Variants in DST observed in about 807,000 individuals in gnomAD.
The protein encoded by DST is bullous pemphigoid antigen.
DST carries 253 observed loss-of-function variants against 875.2 expected under a neutral mutation model. The ratio of observed to expected loss-of-function variants is 0.29; its 90% CI spans 0.26 to 0.32. DST has a LOEUF of 0.32. Ranked by LOEUF, DST falls within the 10% of genes least tolerant of loss-of-function variation. The pLI, the probability that DST is intolerant of heterozygous loss-of-function variation, is 1.00. For missense variants in DST, 8,287 were observed against 9,111.6 expected (o/e 0.91, Z 3.68); for synonymous variants, 3,124 against 3,197.1 (o/e 0.98, Z 0.77).
chr6:56,717,654 A>G (rs559236865), intron 5 of DST, among the ~76,000 whole-genome samples: 1 of 152,242 alleles, frequency 6.6e-6, no homozygotes, highest in African/African-American at 2.4e-5. Flanking sequence ...TTTTTTGCAT[A>G]TCTGACAACT....
intron 99 of DST, among the ~76,000 whole-genome samples, chr6:56,465,378 G>A (rs988218618): frequency 6.6e-6 from 1 of 151,864 alleles, no homozygotes; most frequent in Non-Finnish European, 1.5e-5. Context: ...TTCTTGGGGG[G>A]GAAGAAAAAT....
At chr6:56,550,257 A>G (rs1264643813) in intron 61 of DST, among the ~76,000 whole-genome samples, 5 of 152,110 alleles carry the variant, frequency 3.3e-5, no homozygotes, top group Admixed American at 3.3e-4. Context: ...TTTTCAAGTC[A>G]CTGGGTTTCA....
chr6:56,939,240 A>G (rs1814998588), intron 2 of DST, among the ~76,000 whole-genome samples: 1 of 152,262 alleles, frequency 6.6e-6, no homozygotes, highest in Non-Finnish European at 1.5e-5. Flanking sequence ...CTGTTGGTCC[A>G]AGGGTCTATA....
rs754689562 is a variant in DST at position 56,473,860 on chromosome 6, G to C, written c.21994+13C>G. The C allele has an allele frequency of 1.3e-6, 2 of 1,584,574 alleles. No homozygotes were observed. Among genetic ancestry groups the C allele is most frequent in the East Asian group, 2.2e-5 (1 of 44,578 alleles). ...TATTTATTGACATTTTAAAGAAATT[G>C]ATCACTGCTTACTTCCTGCTCGTCC... On this transcript the variant is annotated intron_variant, in intron 93 of 103. Coordinates refer to ENST00000680361, the MANE Select transcript of DST (RefSeq NM_001374736.1).
In DST at chr6:56,640,353, T is replaced by A; in HGVS notation, c.2280A>T (p.Pro760=). 6.2e-7 allele frequency: 1 copy of A among 1,614,166 alleles called. No individual in the cohort carries two copies. ...CAGGTGTATAAGCTGGAGTGACAGA[T>A]GGAGTCAGGCGGGAAGTCATCCCTG... ...LSSGMTSRLT[P]SVTPAYTPGF... Residue 760 remains proline (P), a synonymous_variant, in exon 18 of 104, where the codon CCA becomes CCT. Transcript: ENST00000680361.
At position 56,658,704 on chromosome 6, in the gene DST, T is replaced by C. The variant is rs138435147; in HGVS notation, c.1215-7460A>G. 3.1e-3 allele frequency among the ~76,000 whole-genome samples: 474 copies of C among 152,332 alleles called. 1 individual carries two copies. The highest frequency in any genetic ancestry group is 0.011 in the African/African-American group (439 of 41,570). Reference sequence around the variant, plus strand: ...GTCAAAAAACTAGCAAGTTCATTCATTTATTCATTCACTCAATATTTAATA... The same window carrying C: ...GTCAAAAAACTAGCAAGTTCATTCACTTATTCATTCACTCAATATTTAATA... On this transcript the variant is annotated intron_variant, in intron 10 of 103. Coordinates refer to ENST00000680361, the MANE Select transcript of DST (RefSeq NM_001374736.1).
At chr6:56,717,265 G>A (rs2099398854) in intron 5 of DST, among the ~76,000 whole-genome samples, 1 of 151,874 alleles carries the variant, frequency 6.6e-6, no homozygotes, top group Non-Finnish European at 1.5e-5. Context: ...TTCACAATAG[G>A]GTTCACACTC....
intron 9 of DST, among the ~76,000 whole-genome samples, chr6:56,689,067 T>C (rs936360669): frequency 2.0e-5 from 3 of 152,084 alleles, no homozygotes; most frequent in Admixed American, 2.0e-4. Flanking sequence ...GTTAAGTGAG[T>C]TGAGTAAGCT....
At chr6:56,546,632 C>T (rs1259221849) in intron 61 of DST, among the ~76,000 whole-genome samples, 3 of 151,902 alleles carry the variant, frequency 2.0e-5, no homozygotes, top group African/African-American at 7.2e-5. Context: ...CAGCTCCAGA[C>T]ACTTTTCACT....
chr6:56,657,386 G>C (rs1479791172), intron 10 of DST, among the ~76,000 whole-genome samples: 1 of 152,122 alleles, frequency 6.6e-6, no homozygotes, highest in Non-Finnish European at 1.5e-5. Context: ...GGAGTACACT[G>C]TAAAATAATG....
intron 12 of DST, among the ~76,000 whole-genome samples, chr6:56,649,082 C>A (rs1386822059): frequency 6.6e-6 from 1 of 152,162 alleles, no homozygotes; most frequent in African/African-American, 2.4e-5. Context: ...TCTTTGCCAA[C>A]TATTTTAGAT....
intron 70 of DST, 55 bp from the exon 71 acceptor site, chr6:56,517,360 A>G: frequency 6.3e-7 from 1 of 1,590,944 alleles, no homozygotes; most frequent in Non-Finnish European, 8.6e-7. Flanking sequence ...TATGACTAAA[A>G]TGAAAACAAT....
intron 4 of DST, among the ~76,000 whole-genome samples, chr6:56,841,289 C>G (rs753733371): frequency 6.6e-6 from 1 of 152,180 alleles, no homozygotes; most frequent in Non-Finnish European, 1.5e-5. Context: ...ACTTTCCTTT[C>G]CATGACTAAA....
chr6:56,917,825 A>G (rs1452159364), intron 2 of DST, among the ~76,000 whole-genome samples: 1 of 152,182 alleles, frequency 6.6e-6, no homozygotes, highest in South Asian at 2.1e-4. Flanking sequence ...TAGACTCTCA[A>G]TATGCTTTGG....
intron 4 of DST, among the ~76,000 whole-genome samples, chr6:56,813,387 T>C: frequency 7.3e-6 from 1 of 137,844 alleles, no homozygotes; most frequent in African/African-American, 2.9e-5. Flanking sequence ...AGTATAATAA[T>C]AATAAAAAAA....
Position 56,929,695 on chromosome 6 carries a change from A to C in DST, c.216+24090T>G, listed in dbSNP as rs150859797. Among the ~76,000 whole-genome samples the C allele has an allele frequency of 2.3e-3, 354 of 152,320 alleles. 3 individuals carry two copies. The highest frequency in any genetic ancestry group is 0.014 in the Middle Eastern group (4 of 294). On this transcript the variant is annotated intron_variant, in intron 2 of 103. Transcript: ENST00000680361. Reference sequence around the variant, plus strand: ...AAAAATCAAACAAATAAAAACAATAACAGCAAAGGCTGCCACACTAAATTT... The same window carrying C: ...AAAAATCAAACAAATAAAAACAATACCAGCAAAGGCTGCCACACTAAATTT...
rs1345951458 is a variant in DST, at chr6:56,603,740, T to G, written c.10792-27A>C. 5.0e-6 allele frequency: 8 copies of G among 1,585,796 alleles called. No individual in the cohort carries two copies. The Admixed American group carries it at 1.1e-4, about 22-fold the overall frequency. ...TAAAAACAAAGTTGGACATTTTAATTCAATAACCTTTATGCAGATGTTTAA... is the reference window on the plus strand; with the variant it reads ...TAAAAACAAAGTTGGACATTTTAATGCAATAACCTTTATGCAGATGTTTAA... On this transcript the variant is annotated intron_variant, in intron 40 of 103. Coordinates refer to ENST00000680361, the MANE Select transcript of DST (RefSeq NM_001374736.1).
chr6:56,939,078 T>C (rs113735534), intron 2 of DST, among the ~76,000 whole-genome samples: 116 of 152,334 alleles, frequency 7.6e-4, no homozygotes, highest in African/African-American at 2.6e-3. Flanking sequence ...ATGAATCAAA[T>C]GGTTGAGTTT....
At chr6:56,527,404 G>T in intron 68 of DST, 89 bp downstream of exon 68, 1 of 1,452,200 alleles carries the variant, frequency 6.9e-7, no homozygotes, top group Non-Finnish European at 9.2e-7. Flanking sequence ...CATATGTAAT[G>T]ACATAAGACA....
Sources: gnomAD v4.1 joint callset for allele counts (sites outside exome capture counted in the v4.1 genomes callset) on GRCh38, gnomAD v4.1.1 for gene constraint, MANE v1.5 for transcripts, NCBI Gene and HGNC (gene_info 2026-07-23, HGNC 2026-07-21) for gene names.